Variants in C12orf42 observed in about 807,000 individuals in gnomAD.
The protein encoded by C12orf42 is uncharacterized protein C12orf42.
A neutral mutation model predicts 21.6 loss-of-function variants in C12orf42; 25 were observed. The observed-to-expected ratio is 1.16, with a 90% CI of 0.84 to 1.62. The LOEUF (loss-of-function observed/expected upper bound fraction) is 1.62. C12orf42 is among the 40% of genes most tolerant of loss of function. The probability of loss-of-function intolerance (pLI) is 0.00; values close to 1 mark genes in which losing one functional copy is unlikely to be tolerated. For missense variants in C12orf42, 483 were observed against 459.3 expected (o/e 1.05, Z -0.47); for synonymous variants, 174 against 175.0 (o/e 0.99, Z 0.05).
rs529171455 is a variant in C12orf42 at position 103,413,760 on chromosome 12, C to T, written c.79-12085G>A. Among the ~76,000 whole-genome samples the T allele has an allele frequency of 2.6e-5, 4 of 152,268 alleles. No individual in the cohort carries two copies. The South Asian group carries it at 8.3e-4, about 32-fold the overall frequency. On this transcript the variant is annotated intron_variant, in intron 2 of 5. Transcript: ENST00000548883. ...GGTTTTCCATTTCTAAGCTACTTCA[C>T]TTAGAATAATGGTCTCCAACTCCAT...
At chr12:103,349,480 G>GA (rs981576213) in intron 4 of C12orf42, among the ~76,000 whole-genome samples, 2 of 152,064 alleles carry the variant, frequency 1.3e-5, no homozygotes, top group African/African-American at 4.8e-5. Context: ...ATAATGTGGT[G>GA]AAAAATCCTG....
chr12:103,251,277 G>A (rs985324531), intron 10 of C12orf42, among the ~76,000 whole-genome samples: 1 of 151,994 alleles, frequency 6.6e-6, no homozygotes, highest in African/African-American at 2.4e-5. Flanking sequence ...GATGTGCCTA[G>A]CTTCCAGAGA....
downstream of C12orf42, chr12:103,267,873 T>C (rs972421722): frequency 6.6e-6 from 1 of 152,214 alleles, no homozygotes; most frequent in Non-Finnish European, 1.5e-5. Flanking sequence ...CCAGTTCTTA[T>C]ATTTAAACAA....
chr12:103,228,680 T>C, the C12orf42 span, among the ~76,000 whole-genome samples: 2 of 152,120 alleles, frequency 1.3e-5, no homozygotes, highest in African/African-American at 4.8e-5. Flanking sequence ...ATACTTTCTA[T>C]ACAAATGTAA....
At chr12:103,415,767 T>A (rs985856755) in intron 2 of C12orf42, among the ~76,000 whole-genome samples, 1 of 152,170 alleles carries the variant, frequency 6.6e-6, no homozygotes, top group Non-Finnish European at 1.5e-5. Flanking sequence ...GACTGTAAGA[T>A]ATTCATAATT....
the C12orf42 span, among the ~76,000 whole-genome samples, chr12:103,102,566 A>G: frequency 6.6e-6 from 1 of 152,198 alleles, no homozygotes; most frequent in Non-Finnish European, 1.5e-5. Flanking sequence ...TCTTCAGAAT[A>G]TGGGTACAGA....
At chr12:103,452,927 A>G (rs1459278307) in intron 2 of C12orf42, among the ~76,000 whole-genome samples, 1 of 152,046 alleles carries the variant, frequency 6.6e-6, no homozygotes, top group Non-Finnish European at 1.5e-5. Context: ...CCTAATGTAA[A>G]TGACGAGTTA....
intron 4 of C12orf42, chr12:103,368,228 G>A: frequency 2.2e-6 from 1 of 448,798 alleles, no homozygotes; most frequent in South Asian, 1.7e-5. Context: ...ATGTTCTTTT[G>A]CTTGTCCTGT....
intron 2 of C12orf42, among the ~76,000 whole-genome samples, chr12:103,431,504 A>G (rs563845041): frequency 6.6e-6 from 1 of 152,320 alleles, no homozygotes; most frequent in African/African-American, 2.4e-5. Flanking sequence ...TTGTTATGGC[A>G]ACACAGGCAA....
chr12:103,406,350 T>C (rs1341582404), intron 2 of C12orf42, among the ~76,000 whole-genome samples: 1 of 152,204 alleles, frequency 6.6e-6, no homozygotes, highest in Non-Finnish European at 1.5e-5. Flanking sequence ...CAAGAGGTTG[T>C]ATGGTCAAGA....
the C12orf42 span, among the ~76,000 whole-genome samples, chr12:103,150,518 G>T: frequency 6.6e-6 from 1 of 152,164 alleles, no homozygotes; most frequent in Non-Finnish European, 1.5e-5. Flanking sequence ...ATAATATAAT[G>T]AATCCTTATA....
chr12:103,073,931 C>T, the C12orf42 span, among the ~76,000 whole-genome samples: 1 of 152,012 alleles, frequency 6.6e-6, no homozygotes, highest in Non-Finnish European at 1.5e-5. Context: ...AACATATTTG[C>T]CTGAGGTTAC....
At chr12:103,537,861 A>C in the C12orf42 span, among the ~76,000 whole-genome samples, 2 of 152,242 alleles carry the variant, frequency 1.3e-5, no homozygotes, top group African/African-American at 4.8e-5. Context: ...CTTCAAGAAA[A>C]AGATAATGGA....
the C12orf42 span, among the ~76,000 whole-genome samples, chr12:103,138,065 A>G: frequency 6.6e-6 from 1 of 152,220 alleles, no homozygotes; most frequent in African/African-American, 2.4e-5. Flanking sequence ...AATTGAAGTG[A>G]TGGACATCCC....
At chr12:103,072,455 A>G in the C12orf42 span, among the ~76,000 whole-genome samples, 1 of 152,088 alleles carries the variant, frequency 6.6e-6, no homozygotes, top group African/African-American at 2.4e-5. Flanking sequence ...AAAAAAAAAA[A>G]AGAAAATACA....
chr12:103,133,484 C>T, the C12orf42 span, among the ~76,000 whole-genome samples: 1 of 152,344 alleles, frequency 6.6e-6, no homozygotes, highest in African/African-American at 2.4e-5. Context: ...GCTGTCACTA[C>T]TGGGGCCCAA....
the C12orf42 span, among the ~76,000 whole-genome samples, chr12:103,519,213 C>T: frequency 6.6e-6 from 1 of 152,160 alleles, no homozygotes; most frequent in Non-Finnish European, 1.5e-5. Flanking sequence ...TCTTGCCAGC[C>T]ATGCAGAACT....
At chr12:103,305,574 A>T (rs1407145766) in intron 5 of C12orf42, among the ~76,000 whole-genome samples, 2 of 152,158 alleles carry the variant, frequency 1.3e-5, no homozygotes, top group Non-Finnish European at 2.9e-5. Context: ...CTGTGCTATG[A>T]ATTCACAACT....
chr12:103,254,719 C>T (rs972400605), intron 10 of C12orf42, among the ~76,000 whole-genome samples: 5 of 152,158 alleles, frequency 3.3e-5, no homozygotes, highest in Non-Finnish European at 7.4e-5. Context: ...AATGAGAATA[C>T]ATGGACACAG....
Sources: gnomAD v4.1 joint callset for allele counts (sites outside exome capture counted in the v4.1 genomes callset) on GRCh38, gnomAD v4.1.1 for gene constraint, MANE v1.5 for transcripts, NCBI Gene and HGNC (gene_info 2026-07-23, HGNC 2026-07-21) for gene names.